The following ADAMTS18 variants were observed in gnomAD, a reference collection of about 807,000 sequenced individuals.
The protein encoded by ADAMTS18 is ADAM metallopeptidase with thrombospondin type 1 motif 18.
Under a neutral mutation model 165.9 loss-of-function variants are expected in ADAMTS18, and 157 were observed. The ratio of observed to expected loss-of-function variants is 0.95; its 90% CI spans 0.83 to 1.08. The LOEUF (loss-of-function observed/expected upper bound fraction) is 1.08, where lower values mean the gene tolerates loss of function less well. Ranked by LOEUF, ADAMTS18 falls within the 50% of genes least tolerant of loss-of-function variation. The pLI, the probability that ADAMTS18 is intolerant of heterozygous loss-of-function variation, is 0.00. For synonymous variants in ADAMTS18, 782 were observed against 578.2 expected (o/e 1.35, Z -5.06); for missense variants, 2,040 against 1,534.0 (o/e 1.33, Z -5.51).
intron 21 of ADAMTS18, chr16:77,290,777 T>G (rs1477297145): frequency 5.9e-6 from 1 of 169,298 alleles, no homozygotes. Context: ...CTTGGCTGAA[T>G]TGCCTGACAT....
chr16:77,296,903 C>G (rs2055484094), intron 18 of ADAMTS18, among the ~76,000 whole-genome samples: 1 of 152,212 alleles, frequency 6.6e-6, no homozygotes, highest in African/African-American at 2.4e-5. Flanking sequence ...TCCTGGCTAT[C>G]AAGCCAAAGT....
At chr16:77,289,719 A>G (rs778567153) in intron 21 of ADAMTS18, among the ~76,000 whole-genome samples, 12 of 152,258 alleles carry the variant, frequency 7.9e-5, no homozygotes, top group Admixed American at 1.3e-4. Flanking sequence ...GAATGCAGAA[A>G]CAAATACAGA....
Position 77,318,383 on chromosome 16 carries a change from G to A in ADAMTS18, c.2532+1466C>T, listed in dbSNP as rs138712792. 1.6e-3 allele frequency among the ~76,000 whole-genome samples: 243 copies of A among 152,308 alleles called. 4 individuals carry two copies. In the East Asian group the frequency reaches 0.045, roughly 28 times the overall value. ...ATTGGTGCTATATTAAGATAATGGT[G>A]TGGCCAAGTGAGCCAGGAAGACTTA... On this transcript the variant is annotated intron_variant, in intron 16 of 22. Coordinates refer to ENST00000282849, the MANE Select transcript of ADAMTS18 (RefSeq NM_199355.4).
chr16:77,348,349 T>C (rs902697212), intron 10 of ADAMTS18, among the ~76,000 whole-genome samples: 1 of 152,220 alleles, frequency 6.6e-6, no homozygotes, highest in Admixed American at 6.5e-5. Context: ...TCCAACACTA[T>C]CTCCACTGCA....
intron 3 of ADAMTS18, among the ~76,000 whole-genome samples, chr16:77,380,892 G>A (rs2057020581): frequency 6.6e-6 from 1 of 151,948 alleles, no homozygotes; most frequent in South Asian, 2.1e-4. Flanking sequence ...TTTATTTATT[G>A]AGACAGGGTC....
chr16:77,354,585 G>A (rs148837741), intron 9 of ADAMTS18, among the ~76,000 whole-genome samples: 1 of 151,926 alleles, frequency 6.6e-6, no homozygotes, highest in African/African-American at 2.4e-5. Context: ...TATCATGGTG[G>A]TTAAGTGTAA....
At chr16:77,333,855 C>A (rs377557749) in intron 12 of ADAMTS18, among the ~76,000 whole-genome samples, 2 of 135,204 alleles carry the variant, frequency 1.5e-5, no homozygotes, top group Admixed American at 7.8e-5. Flanking sequence ...ATATAGTATA[C>A]TATTATACTA....
chr16:77,361,173 T>C (rs1036196084), intron 7 of ADAMTS18, among the ~76,000 whole-genome samples: 1 of 152,200 alleles, frequency 6.6e-6, no homozygotes, highest in East Asian at 1.9e-4. Flanking sequence ...TTTTGAACAA[T>C]ACAGCTGAAA....
intron 12 of ADAMTS18, among the ~76,000 whole-genome samples, chr16:77,330,353 T>C (rs745979148): frequency 1.3e-5 from 2 of 152,186 alleles, no homozygotes; most frequent in Admixed American, 6.5e-5. Context: ...TATGGGGTGA[T>C]AGTTTAACAA....
chr16:77,421,535 AC>A (rs779100458), intron 3 of ADAMTS18, among the ~76,000 whole-genome samples: 2 of 152,242 alleles, frequency 1.3e-5, no homozygotes, highest in African/African-American at 2.4e-5. Flanking sequence ...ACGCAATTTC[AC>A]CCACATTTAG....
intron 3 of ADAMTS18, among the ~76,000 whole-genome samples, chr16:77,430,873 G>A (rs1246667736): frequency 1.3e-5 from 2 of 152,188 alleles, no homozygotes; most frequent in Non-Finnish European, 2.9e-5. Context: ...TCAGCAAAGT[G>A]AAGGTTGATC....
In ADAMTS18 at chr16:77,295,103, T is replaced by C. The variant is rs142130362; in HGVS notation, c.2826A>G (p.Thr942=). 5.0e-5 allele frequency: 81 copies of C among 1,614,074 alleles called. No individual in the cohort carries two copies. The Middle Eastern group carries it at 8.2e-4, about 16-fold the overall frequency. The change falls in exon 19 of 23, where the codon ACA becomes ACG. Residue 942 remains threonine (T), a synonymous_variant. Coordinates refer to ENST00000282849, the MANE Select transcript of ADAMTS18 (RefSeq NM_199355.4). ...PAYWMPGEWS[T]CSKACAGGQQ... ...GGCCTCCAGCACAGGCCTTGCTGCA[T>C]GTACTCCATTCACCTGGCATCCAGC...
chr16:77,348,291 TA>T (rs2056506759), intron 10 of ADAMTS18, among the ~76,000 whole-genome samples: 1 of 152,202 alleles, frequency 6.6e-6, no homozygotes, highest in Non-Finnish European at 1.5e-5. Context: ...TTATTACTGA[TA>T]ATCATGAATT....
intron 12 of ADAMTS18, among the ~76,000 whole-genome samples, chr16:77,329,997 C>T (rs911598999): frequency 6.6e-6 from 1 of 152,106 alleles, no homozygotes; most frequent in Admixed American, 6.6e-5. Flanking sequence ...ACTTGGAGAG[C>T]TCTGTTAAAC....
At chr16:77,344,551 G>A (rs146892075) in intron 10 of ADAMTS18, among the ~76,000 whole-genome samples, 574 of 152,166 alleles carry the variant, frequency 3.8e-3, no homozygotes, top group Admixed American at 9.9e-3. Context: ...ACTTAGAAAG[G>A]CTTTCAGAAC....
At chr16:77,394,460 A>T (rs530032953) in intron 3 of ADAMTS18, among the ~76,000 whole-genome samples, 1 of 152,304 alleles carries the variant, frequency 6.6e-6, no homozygotes, top group African/African-American at 2.4e-5. Context: ...GTACACAGAA[A>T]AATGTTAGTT....
At chr16:77,290,963 A>AACAG in intron 21 of ADAMTS18, 1 of 445,422 alleles carries the variant, frequency 2.2e-6, no homozygotes, top group South Asian at 2.3e-5. Context: ...TTTCCGTAGC[A>AACAG]ACAGCAATGA....
At chr16:77,370,669 G>C (rs537437120) in intron 3 of ADAMTS18, among the ~76,000 whole-genome samples, 1 of 152,092 alleles carries the variant, frequency 6.6e-6, no homozygotes, top group Non-Finnish European at 1.5e-5. Flanking sequence ...AGAATCGCTT[G>C]AACTCAGGAG....
intron 12 of ADAMTS18, among the ~76,000 whole-genome samples, chr16:77,331,308 T>A (rs1021335996): frequency 6.6e-5 from 10 of 152,262 alleles, no homozygotes; most frequent in African/African-American, 2.4e-4. Context: ...CTTGGGAAAA[T>A]ATTGAGATTG....
Sources: gnomAD v4.1 joint callset for allele counts (sites outside exome capture counted in the v4.1 genomes callset) on GRCh38, gnomAD v4.1.1 for gene constraint, MANE v1.5 for transcripts, NCBI Gene and HGNC (gene_info 2026-07-23, HGNC 2026-07-21) for gene names.